Variants in AKAP10 observed in about 807,000 individuals in gnomAD.
The protein encoded by AKAP10 is A-kinase anchoring protein 10.
A neutral mutation model predicts 80.8 loss-of-function variants in AKAP10; 24 were observed. The ratio of observed to expected loss-of-function variants is 0.30; its 90% CI spans 0.22 to 0.42. AKAP10 has a LOEUF of 0.42. AKAP10 is among the 10% of genes least tolerant of loss of function. AKAP10 has a pLI of 1.00. For synonymous variants in AKAP10, 291 were observed against 277.7 expected (o/e 1.05, Z -0.48); for missense variants, 661 against 794.9 (o/e 0.83, Z 2.03).
intron 12 of AKAP10, among the ~76,000 whole-genome samples, chr17:19,919,165 G>T (rs1456579662): frequency 6.7e-6 from 1 of 149,828 alleles, no homozygotes. Flanking sequence ...CTATGAGTGA[G>T]AGCATGCGGT....
rs75167697 is a variant in AKAP10 at position 19,943,769 on chromosome 17, A to G, written c.977-1859T>C. 2.7e-3 allele frequency among the ~76,000 whole-genome samples: 404 copies of G among 152,356 alleles called. 14 individuals carry two copies. The East Asian group carries it at 0.074, about 28-fold the overall frequency. On this transcript the variant is annotated intron_variant, in intron 5 of 14. Transcript: ENST00000225737. ...GCCACAACTTGTACTTGAGACTGGC[A>G]TCTGAAGTGGAGGCAGTCTTGTGGG...
Position 19,972,084 on chromosome 17 carries a change from C to T in AKAP10, c.89-3623G>A, listed in dbSNP as rs115555918. On this transcript the variant is annotated intron_variant, in intron 1 of 14. Transcript: ENST00000225737. ...TCATGCCACTGCATTCTAGCCTGGG[C>T]GACATAGACTGTCTCAAAAAAATAA... Among the ~76,000 whole-genome samples the T allele has an allele frequency of 4.0e-3, 612 of 152,138 alleles. 5 individuals carry two copies. The highest frequency in any genetic ancestry group is 0.014 in the African/African-American group (585 of 41,504).
intron 9 of AKAP10, among the ~76,000 whole-genome samples, chr17:19,934,528 T>C (rs1351314636): frequency 6.6e-6 from 1 of 152,112 alleles, no homozygotes; most frequent in Non-Finnish European, 1.5e-5. Context: ...TTGATACTGC[T>C]CTCTAATTAT....
intron 11 of AKAP10, among the ~76,000 whole-genome samples, 178 bp from the exon 12 acceptor site, chr17:19,920,296 G>A (rs981744574): frequency 6.6e-6 from 1 of 152,126 alleles, no homozygotes; most frequent in Non-Finnish European, 1.5e-5. Context: ...CAGAAAGCAA[G>A]ATAATCTTTA....
chr17:19,977,756 G>A lies in AKAP10; in HGVS notation c.-77C>T, dbSNP rs1034654468. ...AAAAGGGACCCTTCTTCCGGGAGTG[G>A]GCCCCACCGCCTCCTCGGGATGCCC... is the stretch of plus-strand genomic sequence containing the variant. On this transcript the variant is annotated 5_prime_UTR_variant, in exon 1 of 15. Coordinates refer to ENST00000225737, the MANE Select transcript of AKAP10 (RefSeq NM_007202.4). The A allele has an allele frequency of 7.5e-6, 7 of 927,692 alleles. No individual in the cohort carries two copies. The Admixed American group carries it at 2.6e-4, about 34-fold the overall frequency. 57.5% of individuals were successfully genotyped at this position (927,692 alleles called of 1,614,324 possible).
At chr17:19,941,995 C>A in intron 5 of AKAP10, 85 bp from the exon 6 acceptor site, 1 of 1,073,938 alleles carries the variant, frequency 9.3e-7, no homozygotes, top group South Asian at 2.0e-5. Context: ...GAGTTAACAG[C>A]ACAGGCATAT....
At chr17:19,908,054 G>A (rs1420515472) in intron 14 of AKAP10, among the ~76,000 whole-genome samples, 3 of 151,886 alleles carry the variant, frequency 2.0e-5, no homozygotes, top group Middle Eastern at 3.4e-3. Flanking sequence ...TAATAGAGAC[G>A]GGGTTGCACC....
intron 4 of AKAP10, among the ~76,000 whole-genome samples, chr17:19,956,652 T>C (rs536762925): frequency 3.2e-4 from 48 of 152,300 alleles, no homozygotes; most frequent in African/African-American, 1.1e-3. Context: ...TTAAGCTTCC[T>C]GAGTAGCTGG....
intron 1 of AKAP10, among the ~76,000 whole-genome samples, chr17:19,971,953 A>G (rs902750675): frequency 6.6e-6 from 1 of 152,166 alleles, no homozygotes; most frequent in African/African-American, 2.4e-5. Context: ...TAAAAATACA[A>G]AACTTAACCG....
intron 10 of AKAP10, among the ~76,000 whole-genome samples, chr17:19,926,873 C>T (rs993461756): frequency 6.6e-6 from 1 of 152,202 alleles, no homozygotes. Context: ...GTAATCCCAG[C>T]ACTTTGGGAG....
intron 7 of AKAP10, 103 bp from the exon 8 acceptor site, chr17:19,939,952 A>G (rs1007703407): frequency 7.9e-7 from 1 of 1,267,884 alleles, no homozygotes. Flanking sequence ...CATAAGCAAA[A>G]AACAAAAAGA....
Position 19,941,196 on chromosome 17 carries a change from T to C in AKAP10, c.1062-186A>G, listed in dbSNP as rs565274789. The stretch of plus-strand genomic sequence containing the variant: ...AATCTCTCCCACCTTTTTATGACTT[T>C]GTAGTTCTCCCCTGACATTTAACAC... On this transcript the variant is annotated intron_variant, in intron 6 of 14. Transcript: ENST00000225737. Among the ~76,000 whole-genome samples, 5 of 152,338 alleles carry C rather than the reference T, an allele frequency of 3.3e-5. No homozygotes were observed. In the South Asian group the frequency reaches 1.0e-3, roughly 32 times the overall value.
intron 4 of AKAP10, among the ~76,000 whole-genome samples, chr17:19,949,004 G>GT (rs1466266770): frequency 3.9e-5 from 6 of 152,082 alleles, no homozygotes; most frequent in Non-Finnish European, 8.8e-5. Context: ...ATCATGTAAC[G>GT]TAAGTCAAAC....
At chr17:19,936,202 T>G in intron 9 of AKAP10, 84 bp downstream of exon 9, 1 of 1,457,458 alleles carries the variant, frequency 6.9e-7, no homozygotes, top group Non-Finnish European at 9.3e-7. Context: ...ACTGTGCTAT[T>G]CTGCTTGGTT....
intron 2 of AKAP10, among the ~76,000 whole-genome samples, chr17:19,964,952 TACTC>T (rs2043398712): frequency 1.3e-5 from 2 of 152,188 alleles, no homozygotes; most frequent in Non-Finnish European, 2.9e-5. Context: ...GGAAACATCT[TACTC>T]ACACCCTCCA....
rs1363971774 is a variant in AKAP10, at chr17:19,963,028, ATTTTTC to A, written c.137-12_137-7del. ...GGAATGTACGGATATTGAAGCTATA[ATTTTTC>A]AAAAAATTGTTAAGAATTAAACACA... On this transcript the variant is annotated splice_region_variant and splice_polypyrimidine_tract_variant and intron_variant, in intron 2 of 14. Coordinates refer to ENST00000225737, the MANE Select transcript of AKAP10 (RefSeq NM_007202.4). The A allele has an allele frequency of 6.3e-7, 1 of 1,591,312 alleles. No homozygotes were observed. The highest frequency in any genetic ancestry group is 1.7e-5 in the Admixed American group (1 of 58,548).
intron 3 of AKAP10, among the ~76,000 whole-genome samples, chr17:19,961,381 C>G (rs1460902998): frequency 6.6e-6 from 1 of 151,636 alleles, no homozygotes; most frequent in Non-Finnish European, 1.5e-5. Context: ...AAGAAAGAAA[C>G]TGCCTGTTTT....
intron 12 of AKAP10, among the ~76,000 whole-genome samples, chr17:19,916,561 G>C (rs2042744330): frequency 6.6e-6 from 1 of 151,760 alleles, no homozygotes. Context: ...CCTATGCTAT[G>C]TTAACACTAT....
intron 5 of AKAP10, among the ~76,000 whole-genome samples, chr17:19,946,222 T>TTA (rs1170911920): frequency 0.038 from 1,296 of 33,742 alleles, 75 homozygotes; most frequent in East Asian, 0.084. Flanking sequence ...TATATATATT[T>TTA]TATATATATA....
Sources: allele counts gnomAD v4.1 joint callset (sites outside exome capture counted in the v4.1 genomes callset), GRCh38; gene constraint gnomAD v4.1.1; transcripts MANE v1.5; gene names NCBI Gene and HGNC (gene_info 2026-07-23, HGNC 2026-07-21).